Variants in TOGARAM2 observed in about 807,000 individuals in gnomAD.
TOGARAM2 encodes the protein TOG array regulator of axonemal microtubules 2.
Under a neutral mutation model 93.3 loss-of-function variants are expected in TOGARAM2, and 85 were observed. That is an observed-to-expected ratio of 0.91 (90% CI 0.76 to 1.09). TOGARAM2 has a LOEUF of 1.09. Among genes scored for constraint, TOGARAM2 ranks in the 50% least tolerant of loss-of-function variants. The probability of loss-of-function intolerance (pLI) is 0.00; values close to 1 mark genes in which losing one functional copy is unlikely to be tolerated. For missense variants in TOGARAM2, 1,277 were observed against 1,334.5 expected (o/e 0.96, Z 0.67); for synonymous variants, 593 against 552.8 (o/e 1.07, Z -1.02).
chr2:28,977,943 G>C (rs1396505087), upstream of TOGARAM2, among the ~76,000 whole-genome samples: 1 of 151,954 alleles, frequency 6.6e-6, no homozygotes, highest in African/African-American at 2.4e-5. Flanking sequence ...GTCTCATTCT[G>C]TCATCCAGGC....
At chr2:29,023,303 T>G in intron 12 of TOGARAM2, 112 bp downstream of exon 12, 1 of 864,646 alleles carries the variant, frequency 1.2e-6, no homozygotes, top group East Asian at 2.8e-5. Flanking sequence ...GATCCCTGCT[T>G]ATTTCTCAGC....
intron 10 of TOGARAM2, among the ~76,000 whole-genome samples, chr2:29,019,235 C>T (rs1262234068): frequency 8.5e-5 from 12 of 141,016 alleles, no homozygotes; most frequent in Non-Finnish European, 1.5e-4. Context: ...GGCTGGAGTG[C>T]AGTGGTGCGA....
chr2:29,015,194 C>CTG (rs67653061), intron 8 of TOGARAM2, among the ~76,000 whole-genome samples: 36,092 of 151,992 alleles, frequency 0.24, 4,363 homozygotes, highest in Middle Eastern at 0.29. Flanking sequence ...GACTGGGTGA[C>CTG]TGTTAAATCA....
At chr2:28,993,412 T>C (rs903547019) in intron 1 of TOGARAM2, among the ~76,000 whole-genome samples, 1 of 152,206 alleles carries the variant, frequency 6.6e-6, no homozygotes, top group Non-Finnish European at 1.5e-5. Context: ...GGAAACCAGC[T>C]GCCTGGCCAA....
chr2:28,982,473 G>A (rs1425132968), intron 1 of TOGARAM2, among the ~76,000 whole-genome samples: 1 of 152,182 alleles, frequency 6.6e-6, no homozygotes, highest in Middle Eastern at 3.2e-3. Flanking sequence ...CCTGAACTGG[G>A]CAGTCCCTCG....
intron 18 of TOGARAM2, among the ~76,000 whole-genome samples, chr2:29,043,796 C>G (rs2148394060): frequency 6.6e-6 from 1 of 152,304 alleles, no homozygotes; most frequent in African/African-American, 2.4e-5. Context: ...GCACACCTTT[C>G]TAGGACAGGC....
At chr2:28,969,211 A>T (rs6547899) in intron 1 of TOGARAM2, among the ~76,000 whole-genome samples, 6 of 152,238 alleles carry the variant, frequency 3.9e-5, no homozygotes, top group South Asian at 4.1e-4. Flanking sequence ...TTTGCAGTGC[A>T]GGCCATCTCT....
rs1337091959 is a variant in TOGARAM2, at chr2:29,002,635, C to T, written c.527C>T (p.Pro176Leu). Reference sequence around the variant, plus strand: ...CTGCTGAGGGTGCCCAGGCCGATGCCTCTCATCCAGAGCATCCCTACCACC... The same window carrying T: ...CTGCTGAGGGTGCCCAGGCCGATGCTTCTCATCCAGAGCATCCCTACCACC... ...QRLLRVPRPM[P>L]LIQSIPTTPE... The change falls in exon 5 of 20, where the codon CCT (proline) becomes CTT (leucine). Residue 176 changes from proline to leucine, a missense_variant. Coordinates refer to ENST00000379558, the MANE Select transcript of TOGARAM2 (RefSeq NM_199280.4). 1 of 1,614,002 alleles carries T rather than the reference C, an allele frequency of 6.2e-7. No homozygotes were observed. The highest frequency in any genetic ancestry group is 1.7e-5 in the Admixed American group (1 of 60,028).
intron 18 of TOGARAM2, 111 bp downstream of exon 18, chr2:29,036,868 C>T: frequency 9.0e-7 from 1 of 1,112,624 alleles, no homozygotes; most frequent in East Asian, 2.6e-5. Context: ...GATGTTTCAC[C>T]AGAGGCTGTG....
At chr2:29,001,281 G>T (rs748270646) in intron 4 of TOGARAM2, among the ~76,000 whole-genome samples, 19 of 152,186 alleles carry the variant, frequency 1.2e-4, no homozygotes, top group Non-Finnish European at 2.5e-4. Context: ...AGCACCGGAA[G>T]CCAGGAGGGG....
intron 6 of TOGARAM2, among the ~76,000 whole-genome samples, chr2:29,009,323 G>T (rs1278953743): frequency 6.6e-6 from 1 of 152,252 alleles, no homozygotes; most frequent in East Asian, 1.9e-4. Context: ...TGAGAAGTGG[G>T]AGCTTCATCC....
chr2:29,033,788 G>A (rs1665923600), intron 16 of TOGARAM2, among the ~76,000 whole-genome samples: 1 of 152,198 alleles, frequency 6.6e-6, no homozygotes, highest in African/African-American at 2.4e-5. Flanking sequence ...GCCAGTAGAA[G>A]TTGGTTCCTG....
chr2:28,976,487 C>G (rs1438411811), upstream of TOGARAM2, among the ~76,000 whole-genome samples: 2 of 152,248 alleles, frequency 1.3e-5, no homozygotes, highest in East Asian at 1.9e-4. Flanking sequence ...ATCTCTCGAG[C>G]TTTCCTGTGG....
chr2:29,024,386 C>T lies in TOGARAM2; in HGVS notation c.1853+12C>T, dbSNP rs758939156. 1.3e-6 allele frequency: 2 copies of T among 1,592,946 alleles called. No homozygotes were observed. The highest frequency in any genetic ancestry group is 3.6e-5 in the Admixed American group (2 of 56,310). On this transcript the variant is annotated intron_variant, in intron 13 of 19. Coordinates refer to ENST00000379558, the MANE Select transcript of TOGARAM2 (RefSeq NM_199280.4). ...TCGGCGGGTGTCTAGTATGTGGCTGCCTGTTGTCTGAGGGGCGGGGAAGTC... is the reference window on the plus strand; with the variant it reads ...TCGGCGGGTGTCTAGTATGTGGCTGTCTGTTGTCTGAGGGGCGGGGAAGTC...
chr2:28,996,607 A>T (rs1288235137), intron 2 of TOGARAM2, among the ~76,000 whole-genome samples: 8 of 151,938 alleles, frequency 5.3e-5, no homozygotes, highest in Non-Finnish European at 1.0e-4. Flanking sequence ...AGATTGCATG[A>T]GCTCAGGATT....
At chr2:29,019,177 C>CTTTT (rs61378143) in intron 10 of TOGARAM2, among the ~76,000 whole-genome samples, 227 of 121,654 alleles carry the variant, frequency 1.9e-3, no homozygotes, top group Non-Finnish European at 2.7e-3. Context: ...CCAACTGACT[C>CTTTT]TTTTTTTTTT....
chr2:28,979,897 A>G (rs4349301), upstream of TOGARAM2, among the ~76,000 whole-genome samples: 151,183 of 152,314 alleles, frequency 0.99, 75,037 homozygotes, highest in Middle Eastern at 1. Context: ...CACACACACC[A>G]TCTCCCTGCC....
At chr2:29,002,114 G>A (rs560976630) in intron 4 of TOGARAM2, among the ~76,000 whole-genome samples, 1 of 152,292 alleles carries the variant, frequency 6.6e-6, no homozygotes, top group East Asian at 1.9e-4. Flanking sequence ...AAAGGAAGGG[G>A]AAACAGTGGC....
intron 5 of TOGARAM2, among the ~76,000 whole-genome samples, chr2:29,002,980 G>GGC (rs1673398125): frequency 6.6e-6 from 1 of 152,210 alleles, no homozygotes; most frequent in Non-Finnish European, 1.5e-5. Context: ...CTGGGTGGCT[G>GGC]TGCCAGAGGC....
Sources: allele counts gnomAD v4.1 joint callset (sites outside exome capture counted in the v4.1 genomes callset), GRCh38; gene constraint gnomAD v4.1.1; transcripts MANE v1.5; gene names NCBI Gene and HGNC (gene_info 2026-07-23, HGNC 2026-07-21).